WWOX: variants seen among roughly 807,000 people sequenced by gnomAD.
WWOX encodes the protein WW domain containing oxidoreductase, also known as WW domain-containing oxidoreductase.
In WWOX, 69 loss-of-function variants were observed where a neutral mutation model predicts 46.2. The ratio of observed to expected loss-of-function variants is 1.49; its 90% CI spans 1.23 to 1.82. The LOEUF is 1.82. Among genes scored for constraint, WWOX ranks in the 40% most tolerant of loss-of-function variants. The pLI, the probability that WWOX is intolerant of heterozygous loss-of-function variation, is 0.00. For synonymous variants in WWOX, 359 were observed against 202.6 expected, an observed-to-expected ratio of 1.77 and a Z score of -6.56; for missense variants, 919 against 542.6, an observed-to-expected ratio of 1.69 and a Z score of -6.89.
intron 8 of WWOX, among the ~76,000 whole-genome samples, chr16:78,631,580 C>G (rs1275665190): frequency 1.3e-5 from 2 of 148,560 alleles, no homozygotes; most frequent in African/African-American, 4.9e-5. Flanking sequence ...GCTCTGTCAC[C>G]CAGGGTCTAG....
intron 8 of WWOX, among the ~76,000 whole-genome samples, chr16:78,862,600 A>G (rs373281855): frequency 7.2e-5 from 11 of 152,268 alleles, no homozygotes; most frequent in East Asian, 1.9e-4. Context: ...AACCAATGGT[A>G]CAGTTCATGT....
chr16:78,385,601 A>G (rs2082044977), intron 5 of WWOX, among the ~76,000 whole-genome samples: 2 of 152,162 alleles, frequency 1.3e-5, no homozygotes. Context: ...CAGCCAAGAT[A>G]AACCAGCTGC....
chr16:78,684,610 C>G (rs183119466), intron 8 of WWOX, among the ~76,000 whole-genome samples: 7 of 152,312 alleles, frequency 4.6e-5, no homozygotes, highest in Middle Eastern at 3.4e-3. Context: ...TGGGACCTCA[C>G]AGAACACTCC....
At chr16:78,919,005 G>A (rs1012440334) in intron 8 of WWOX, among the ~76,000 whole-genome samples, 3 of 152,246 alleles carry the variant, frequency 2.0e-5, no homozygotes, top group South Asian at 2.1e-4. Context: ...AAATACAGTC[G>A]TGGTGTCAGG....
intron 6 of WWOX, among the ~76,000 whole-genome samples, chr16:78,410,148 T>C (rs1053618198): frequency 6.6e-6 from 1 of 152,192 alleles, no homozygotes; most frequent in African/African-American, 2.4e-5. Flanking sequence ...GTTAGCTGCC[T>C]ACTCCCCTTT....
intron 8 of WWOX, among the ~76,000 whole-genome samples, chr16:78,758,969 C>G (rs74033558): frequency 0.022 from 3,244 of 149,574 alleles, 119 homozygotes; most frequent in African/African-American, 0.076. Context: ...CCTTCACAGA[C>G]AAAACCCAGG....
intron 8 of WWOX, among the ~76,000 whole-genome samples, chr16:78,530,500 C>T (rs562785843): frequency 3.2e-4 from 49 of 152,308 alleles, no homozygotes; most frequent in Non-Finnish European, 6.2e-4. Flanking sequence ...CGCTTCTCTC[C>T]AACTGTGGTC....
chr16:79,202,137 TAGC>T (rs1445825807), intron 8 of WWOX, among the ~76,000 whole-genome samples: 1 of 152,142 alleles, frequency 6.6e-6, no homozygotes, highest in Admixed American at 6.5e-5. Flanking sequence ...TTCACAACAA[TAGC>T]AGAGTTGAGT....
At chr16:78,882,909 A>G (rs2044373834) in intron 8 of WWOX, among the ~76,000 whole-genome samples, 1 of 151,902 alleles carries the variant, frequency 6.6e-6, no homozygotes, top group African/African-American at 2.4e-5. Context: ...ACTGGAACAG[A>G]GCATAGCCTG....
At chr16:78,308,271 G>C (rs1056856064) in intron 5 of WWOX, among the ~76,000 whole-genome samples, 3 of 152,132 alleles carry the variant, frequency 2.0e-5, no homozygotes, top group Admixed American at 2.0e-4. Context: ...TAAATTCTAA[G>C]CTCCCCAAGC....
At chr16:78,128,940 A>G (rs1296673214) in intron 4 of WWOX, among the ~76,000 whole-genome samples, 2 of 152,166 alleles carry the variant, frequency 1.3e-5, no homozygotes, top group African/African-American at 4.8e-5. Flanking sequence ...AGCTTTATCT[A>G]TTAGCAAAGG....
At chr16:78,411,154 C>T (rs1275576207) in intron 6 of WWOX, among the ~76,000 whole-genome samples, 1 of 152,120 alleles carries the variant, frequency 6.6e-6, no homozygotes, top group African/African-American at 2.4e-5. Context: ...ATTCCTAGGT[C>T]TCACCCACCC....
intron 8 of WWOX, among the ~76,000 whole-genome samples, chr16:79,171,196 A>C (rs189564284): frequency 1.3e-5 from 2 of 152,348 alleles, no homozygotes; most frequent in Non-Finnish European, 1.5e-5. Flanking sequence ...GATAATTACA[A>C]CATAGGGACA....
At chr16:79,113,771 G>T (rs555494138) in intron 8 of WWOX, among the ~76,000 whole-genome samples, 1 of 152,334 alleles carries the variant, frequency 6.6e-6, no homozygotes, top group African/African-American at 2.4e-5. Flanking sequence ...AAGAGGGAGG[G>T]TTAAGGAGGG....
chr16:78,845,760 A>G (rs1237004415), intron 8 of WWOX, among the ~76,000 whole-genome samples: 3 of 152,184 alleles, frequency 2.0e-5, no homozygotes, highest in Non-Finnish European at 2.9e-5. Flanking sequence ...ATATGTACTA[A>G]TCCTGTACTA....
intron 8 of WWOX, among the ~76,000 whole-genome samples, chr16:79,182,569 T>C (rs1056689486): frequency 2.0e-5 from 3 of 152,094 alleles, no homozygotes; most frequent in African/African-American, 7.2e-5. Flanking sequence ...GGTGGGGTTA[T>C]TTGTGCTTTT....
At chr16:78,718,163 TA>T (rs1482380960) in intron 8 of WWOX, among the ~76,000 whole-genome samples, 1 of 151,556 alleles carries the variant, frequency 6.6e-6, no homozygotes, top group African/African-American at 2.4e-5. Context: ...ATCTCTTTTT[TA>T]TGGCTGCCCA....
intron 8 of WWOX, among the ~76,000 whole-genome samples, chr16:78,938,608 A>T (rs2045790555): frequency 6.6e-6 from 1 of 152,022 alleles, no homozygotes; most frequent in African/African-American, 2.4e-5. Flanking sequence ...ATTTTAGTTT[A>T]TTCATTCATT....
Position 78,973,591 on chromosome 16 carries a change from C to T in WWOX, c.1057-238017C>T, listed in dbSNP as rs114050772. ...CAGGGGGCACAGTTTTTCTTTCTGT[C>T]TCAGTCTCTCAAACTGTAGGAGGAC... is the stretch of plus-strand genomic sequence containing the variant. On this transcript the variant is annotated intron_variant, in intron 8 of 8. Transcript: ENST00000566780. Among the ~76,000 whole-genome samples, 294 of 152,150 alleles carry T rather than the reference C, an allele frequency of 1.9e-3. 2 individuals are homozygous for T. The highest frequency in any genetic ancestry group is 6.8e-3 in the African/African-American group (282 of 41,484).
Sources: gnomAD v4.1 joint callset for allele counts (sites outside exome capture counted in the v4.1 genomes callset) on GRCh38, gnomAD v4.1.1 for gene constraint, MANE v1.5 for transcripts, NCBI Gene and HGNC (gene_info 2026-07-23, HGNC 2026-07-21) for gene names.